NSUN6: variants seen among roughly 807,000 people sequenced by gnomAD.
NSUN6 encodes tRNA (cytosine(72)-C(5))-methyltransferase NSUN6.
Under a neutral mutation model 58.0 loss-of-function variants are expected in NSUN6, and 64 were observed. That is an observed-to-expected ratio of 1.10 (90% CI 0.90 to 1.36). The LOEUF (loss-of-function observed/expected upper bound fraction) is 1.36. Ranked by LOEUF, NSUN6 falls within the 40% of genes most tolerant of loss-of-function variation. NSUN6 has a pLI of 0.00. For missense variants in NSUN6, 701 were observed against 550.1 expected (o/e 1.27, Z -2.74); for synonymous variants, 231 against 193.9 (o/e 1.19, Z -1.59).
chr10:18,599,950 C>A lies in NSUN6; in HGVS notation c.658-3623G>T, dbSNP rs556833558. Among the ~76,000 whole-genome samples the A allele has an allele frequency of 5.9e-5, 9 of 152,224 alleles. No homozygotes were observed. In the East Asian group the frequency reaches 1.7e-3, roughly 29 times the overall value. On this transcript the variant is annotated intron_variant, in intron 6 of 10. Transcript: ENST00000377304. ...TGTGTTTAAGCAATTTAAAAGTTTC[C>A]TTTTTGATTTTGGAAAACCAAATAA...
chr10:18,628,070 C>G (rs1320828892), intron 3 of NSUN6, among the ~76,000 whole-genome samples: 1 of 152,074 alleles, frequency 6.6e-6, no homozygotes, highest in Non-Finnish European at 1.5e-5. Context: ...TGAGAACGGG[C>G]AGACTGCCTC....
Position 18,596,200 on chromosome 10 carries a change from A to C in NSUN6, c.777+8T>G. Reference sequence around the variant, plus strand: ...TTGAGAGTGGATTTGCTGTGAAGACAGTCTCACCTGATCATGCATTAGTGC... The same window carrying C: ...TTGAGAGTGGATTTGCTGTGAAGACCGTCTCACCTGATCATGCATTAGTGC... On this transcript the variant is annotated splice_region_variant and intron_variant, in intron 7 of 10. Coordinates refer to ENST00000377304, the MANE Select transcript of NSUN6 (RefSeq NM_182543.5). The C allele has an allele frequency of 6.2e-7, 1 of 1,608,544 alleles. No homozygotes were observed. The highest frequency in any genetic ancestry group is 1.7e-5 in the Admixed American group (1 of 59,774).
At chr10:18,620,334 G>A (rs558495281) in intron 3 of NSUN6, among the ~76,000 whole-genome samples, 6 of 151,984 alleles carry the variant, frequency 3.9e-5, no homozygotes, top group African/African-American at 7.3e-5. Flanking sequence ...TGATCCGCCC[G>A]CCTCGGCCTC....
At chr10:18,587,090 TATA>T (rs1377646429) in intron 7 of NSUN6, among the ~76,000 whole-genome samples, 1 of 152,184 alleles carries the variant, frequency 6.6e-6, no homozygotes, top group Non-Finnish European at 1.5e-5. Flanking sequence ...AAAATAATCT[TATA>T]ATAACTAGCT....
chr10:18,596,816 A>C (rs2131213064), intron 6 of NSUN6, among the ~76,000 whole-genome samples: 1 of 152,310 alleles, frequency 6.6e-6, no homozygotes, highest in Non-Finnish European at 1.5e-5. Flanking sequence ...ATCATCTGAG[A>C]GTACTTCAAT....
chr10:18,568,963 T>A (rs1302275289), intron 8 of NSUN6, among the ~76,000 whole-genome samples: 1 of 151,456 alleles, frequency 6.6e-6, no homozygotes, highest in African/African-American at 2.4e-5. Flanking sequence ...CCATTCTCCA[T>A]TCTATTCCAT....
upstream of NSUN6, among the ~76,000 whole-genome samples, chr10:18,654,173 G>A (rs2059752367): frequency 6.6e-6 from 1 of 152,084 alleles, no homozygotes; most frequent in Non-Finnish European, 1.5e-5. Context: ...TCGGCTCACT[G>A]CAACCTCCGC....
At chr10:18,556,659 G>A (rs1054013432) in intron 8 of NSUN6, among the ~76,000 whole-genome samples, 1 of 151,070 alleles carries the variant, frequency 6.6e-6, no homozygotes. Context: ...ATGGAGTGGG[G>A]AATGGAATAG....
chr10:18,579,241 C>T (rs879572100), intron 8 of NSUN6, among the ~76,000 whole-genome samples: 10 of 152,090 alleles, frequency 6.6e-5, no homozygotes, highest in South Asian at 4.1e-4. Flanking sequence ...GGAGCGATCT[C>T]GGCTCACTGC....
At chr10:18,569,266 G>C (rs914010392) in intron 8 of NSUN6, among the ~76,000 whole-genome samples, 2 of 127,246 alleles carry the variant, frequency 1.6e-5, no homozygotes, top group Non-Finnish European at 3.3e-5. Flanking sequence ...CCATTTCCAA[G>C]TCCATTCCAT....
At chr10:18,639,146 T>G (rs1326787030) in intron 3 of NSUN6, among the ~76,000 whole-genome samples, 1 of 151,822 alleles carries the variant, frequency 6.6e-6, no homozygotes. Context: ...GGTAGGAATT[T>G]TAGGGAAAAT....
At chr10:18,616,444 G>A (rs1350276839) in intron 3 of NSUN6, 151 bp from the exon 4 acceptor site, 2 of 497,548 alleles carry the variant, frequency 4.0e-6, no homozygotes, top group African/African-American at 2.0e-5. Flanking sequence ...ACATATAGAG[G>A]AAACAGGAAA....
chr10:18,651,250 T>G lies in NSUN6; in HGVS notation c.-47A>C, dbSNP rs1022725595. ...CACCAAGAGAAATGCTGGAAAACGGTGTTTTGTTTTTTTTTTTCTTTCCGA... is the reference window on the plus strand; with the variant it reads ...CACCAAGAGAAATGCTGGAAAACGGGGTTTTGTTTTTTTTTTTCTTTCCGA... On this transcript the variant is annotated 5_prime_UTR_variant, in exon 1 of 11. Transcript: ENST00000377304. 10 of 1,485,550 alleles carry G rather than the reference T, an allele frequency of 6.7e-6. No homozygotes were observed. The highest frequency in any genetic ancestry group is 1.3e-5 in the South Asian group (1 of 76,404). The allele number at this position is 1,485,550 out of a possible 1,614,324, so 92.0% of individuals were successfully genotyped here.
At position 18,614,598 on chromosome 10, in the gene NSUN6, T is replaced by C. The variant is rs577522540; in HGVS notation, c.437A>G (p.Asp146Gly). Residue 146 changes from aspartate (D) to glycine (G), a missense_variant, in exon 5 of 11, where the codon GAT (aspartate) becomes GGT (glycine). Physicochemically the swap from Asp to Gly is moderately conservative, Grantham distance 94 (BLOSUM62 -1). Coordinates refer to ENST00000377304, the MANE Select transcript of NSUN6 (RefSeq NM_182543.5). ...AATATCAGAGTATACAGAAATAACA[T>C]CTCCAGCTTTCATAACTAGAGAAAG... ...VSASQFMKAG[D>G]VISVYSDIKG... is the part of the protein sequence containing the mutation. The C allele has an allele frequency of 5.6e-6, 8 of 1,418,532 alleles. No individual in the cohort carries two copies. Among genetic ancestry groups the C allele is most frequent in the Non-Finnish European group, 7.6e-6 (8 of 1,055,388 alleles). The allele number at this position is 1,418,532 out of a possible 1,614,324, so 87.9% of individuals were successfully genotyped here. A position where few individuals can be genotyped will look rare whatever the true frequency, so the allele number is the denominator to read the frequency against.
intron 6 of NSUN6, among the ~76,000 whole-genome samples, chr10:18,602,393 G>A (rs537911024): frequency 2.4e-4 from 37 of 152,008 alleles, no homozygotes; most frequent in African/African-American, 6.5e-4. Context: ...ACAGGTGCCC[G>A]CCACCACGCC....
chr10:18,616,998 AC>A (rs2131363398), intron 3 of NSUN6, among the ~76,000 whole-genome samples: 1 of 151,976 alleles, frequency 6.6e-6, no homozygotes, highest in South Asian at 2.1e-4. Context: ...TCAGCTTTAT[AC>A]CCACTCTTTC....
chr10:18,572,041 T>C (rs1266611840), intron 8 of NSUN6, among the ~76,000 whole-genome samples: 1 of 150,832 alleles, frequency 6.6e-6, no homozygotes, highest in Non-Finnish European at 1.5e-5. Context: ...ACTGCATTCC[T>C]TTCCATTCCA....
chr10:18,648,401 T>C, intron 2 of NSUN6, 89 bp downstream of exon 2: 1 of 742,858 alleles, frequency 1.3e-6, no homozygotes, highest in Non-Finnish European at 2.2e-6. Flanking sequence ...AAACTGGAAG[T>C]GTATTATATC....
chr10:18,568,025 C>T (rs1043302982), intron 8 of NSUN6, among the ~76,000 whole-genome samples: 1 of 150,620 alleles, frequency 6.6e-6, no homozygotes, highest in Admixed American at 6.7e-5. Context: ...GCATGCCATT[C>T]TATTCTCCAT....
Sources: gnomAD v4.1 joint callset for allele counts (sites outside exome capture counted in the v4.1 genomes callset) on GRCh38, gnomAD v4.1.1 for gene constraint, MANE v1.5 for transcripts, NCBI Gene and HGNC (gene_info 2026-07-23, HGNC 2026-07-21) for gene names.